SPMIP6: variants seen among roughly 807,000 people sequenced by gnomAD.
SPMIP6 encodes ciliated bronchial epithelial protein 1.
chr9:34,390,485 GT>G, the SPMIP6 span, among the ~76,000 whole-genome samples: 21 of 151,062 alleles, frequency 1.4e-4, no homozygotes, highest in East Asian at 3.9e-4. Context: ...ATGATCTTCT[GT>G]TTTTTTTCTT....
the SPMIP6 span, among the ~76,000 whole-genome samples, chr9:34,380,255 G>C: frequency 6.6e-6 from 1 of 152,216 alleles, no homozygotes; most frequent in Non-Finnish European, 1.5e-5. Flanking sequence ...CCGCGTGCAG[G>C]ACGAATGCCG....
chr9:34,389,487 T>A, the SPMIP6 span, among the ~76,000 whole-genome samples: 1 of 152,180 alleles, frequency 6.6e-6, no homozygotes, highest in Non-Finnish European at 1.5e-5. Flanking sequence ...CTTCAAAAAA[T>A]CCTTTTGGGA....
At chr9:34,382,639 A>G in the SPMIP6 span, 1 of 755,504 alleles carries the variant, frequency 1.3e-6, no homozygotes, top group Non-Finnish European at 2.4e-6. Flanking sequence ...GCTCTGGGGC[A>G]TTTGTTGGGA....
chr9:34,379,757 A>G, the SPMIP6 span: 10 of 1,594,306 alleles, frequency 6.3e-6, no homozygotes, highest in Non-Finnish European at 8.6e-6. This position sits in a 1 kb window ranked among gnomAD's most constrained non-coding sequence, Gnocchi z 4.2. Flanking sequence ...AGCCGCGAGC[A>G]TGGAGGGGTT....
the SPMIP6 span, among the ~76,000 whole-genome samples, chr9:34,386,269 T>C: frequency 6.6e-6 from 1 of 152,000 alleles, no homozygotes; most frequent in Non-Finnish European, 1.5e-5. Flanking sequence ...TTAAAGAAAA[T>C]GAAGGACAGT....
At chr9:34,392,224 A>C in the SPMIP6 span, among the ~76,000 whole-genome samples, 1 of 151,866 alleles carries the variant, frequency 6.6e-6, no homozygotes, top group African/African-American at 2.4e-5. This position sits in a 1 kb window ranked among gnomAD's most constrained non-coding sequence, Gnocchi z 4.6. Context: ...CATCACACCC[A>C]GCTAATTTTT....
At chr9:34,386,655 C>G in the SPMIP6 span, among the ~76,000 whole-genome samples, 7 of 152,104 alleles carry the variant, frequency 4.6e-5, no homozygotes, top group African/African-American at 1.7e-4. Context: ...GGCTCTGGCC[C>G]TGACACCAGT....
the SPMIP6 span, chr9:34,397,793 A>C: frequency 1.4e-6 from 1 of 704,296 alleles, no homozygotes; most frequent in Non-Finnish European, 2.3e-6. Flanking sequence ...TTCCTTCCCC[A>C]ACAGCCTTCC....
chr9:34,388,997 TCA>T, the SPMIP6 span, among the ~76,000 whole-genome samples: 3 of 142,840 alleles, frequency 2.1e-5, no homozygotes, highest in African/African-American at 7.7e-5. Flanking sequence ...AGTGGCACAA[TCA>T]CAGTTCACTG....
chr9:34,390,332 T>G, the SPMIP6 span, among the ~76,000 whole-genome samples: 108,515 of 151,930 alleles, frequency 0.71, 39,099 homozygotes, highest in East Asian at 0.95. Context: ...TTATAAATGG[T>G]TAATAAATTT....
the SPMIP6 span, among the ~76,000 whole-genome samples, chr9:34,394,010 C>G: frequency 2.6e-5 from 4 of 152,094 alleles, no homozygotes; most frequent in Admixed American, 6.5e-5. Flanking sequence ...TAAATAGAGA[C>G]AAGGTCTCAC....
the SPMIP6 span, chr9:34,379,631 G>A: frequency 6.2e-7 from 1 of 1,610,604 alleles, no homozygotes; most frequent in African/African-American, 1.3e-5. This position sits in a 1 kb window ranked among gnomAD's most constrained non-coding sequence, Gnocchi z 4.2. Context: ...ATGAGTGTGT[G>A]CGCGTTAGAC....
chr9:34,380,300 C>T, the SPMIP6 span, among the ~76,000 whole-genome samples: 3 of 152,164 alleles, frequency 2.0e-5, no homozygotes, highest in African/African-American at 7.2e-5. Context: ...GCGCTCGGGC[C>T]TCAGTTTTCT....
At chr9:34,396,662 T>G in the SPMIP6 span, among the ~76,000 whole-genome samples, 1 of 152,146 alleles carries the variant, frequency 6.6e-6, no homozygotes. Context: ...ACAGGCTGCC[T>G]TTTCTCCTGA....
At chr9:34,379,862 C>A in the SPMIP6 span, 1 of 672,336 alleles carries the variant, frequency 1.5e-6, no homozygotes, top group Non-Finnish European at 2.6e-6. This position sits in a 1 kb window ranked among gnomAD's most constrained non-coding sequence, Gnocchi z 4.2. Flanking sequence ...TCTCCTTCTT[C>A]CTCACCCTTC....
chr9:34,382,649 A>T, the SPMIP6 span: 60 of 777,982 alleles, frequency 7.7e-5, no homozygotes, highest in Non-Finnish European at 1.2e-4. Context: ...ATTTGTTGGG[A>T]AAGCAATGAG....
the SPMIP6 span, among the ~76,000 whole-genome samples, chr9:34,396,264 G>A: frequency 6.6e-6 from 1 of 152,058 alleles, no homozygotes; most frequent in Admixed American, 6.5e-5. Flanking sequence ...GCTTCTCTGA[G>A]TTATCTGCAT....
chr9:34,385,561 G>C, the SPMIP6 span: 2 of 532,844 alleles, frequency 3.8e-6, no homozygotes, highest in Non-Finnish European at 5.8e-6. Context: ...AAAAAAAAAA[G>C]GATAGAGGTC....
chr9:34,394,736 CTCTA>C, the SPMIP6 span, among the ~76,000 whole-genome samples: 2 of 152,124 alleles, frequency 1.3e-5, no homozygotes, highest in East Asian at 1.9e-4. Flanking sequence ...GATTTAATTC[CTCTA>C]TCTTTCAGCT....
Sources: allele counts gnomAD v4.1 joint callset (sites outside exome capture counted in the v4.1 genomes callset), GRCh38; gene constraint gnomAD v4.1.1; non-coding constraint Gnocchi (gnomAD v3.1); transcripts MANE v1.5; gene names NCBI Gene and HGNC (gene_info 2026-07-23, HGNC 2026-07-21).